The following PON1 variants were observed in gnomAD, a reference collection of about 807,000 sequenced individuals.
The protein encoded by PON1 is paraoxonase 1, also known as serum paraoxonase/arylesterase 1.
PON1 carries 37 observed loss-of-function variants against 39.2 expected under a neutral mutation model. The ratio of observed to expected loss-of-function variants is 0.94; its 90% CI spans 0.73 to 1.24. The LOEUF is 1.24. Among genes scored for constraint, PON1 ranks in the 50% most tolerant of loss-of-function variants. The pLI, the probability that PON1 is intolerant of heterozygous loss-of-function variation, is 0.00. For synonymous variants in PON1, 148 were observed against 152.2 expected (o/e 0.97, Z 0.21); for missense variants, 397 against 413.5 (o/e 0.96, Z 0.35).
At chr7:95,313,618 A>ATGTATGTG (rs374185817) in intron 4 of PON1, among the ~76,000 whole-genome samples, 2,002 of 147,284 alleles carry the variant, frequency 0.014, 48 homozygotes, top group African/African-American at 0.048. Flanking sequence ...ATATATGTAT[A>ATGTATGTG]TGTGTGTGTG....
chr7:95,308,601 A>G (rs1408164881), intron 5 of PON1, among the ~76,000 whole-genome samples: 1 of 152,102 alleles, frequency 6.6e-6, no homozygotes, highest in East Asian at 1.9e-4. Flanking sequence ...GTGCTCACAT[A>G]TCTGGGCTCA....
At chr7:95,320,516 A>G (rs1807873064) in intron 1 of PON1, among the ~76,000 whole-genome samples, 1 of 152,174 alleles carries the variant, frequency 6.6e-6, no homozygotes, top group Non-Finnish European at 1.5e-5. Flanking sequence ...ATCCTCAAAC[A>G]CCTCCGTGAG....
intron 7 of PON1, among the ~76,000 whole-genome samples, chr7:95,305,862 T>C (rs544301111): frequency 4.4e-4 from 65 of 148,456 alleles, no homozygotes; most frequent in Non-Finnish European, 3.8e-4. Context: ...ATAAACATTG[T>C]GGAGAGCAGC....
chr7:95,322,481 T>A (rs1278372396), intron 1 of PON1, among the ~76,000 whole-genome samples: 1 of 151,958 alleles, frequency 6.6e-6, no homozygotes, highest in Non-Finnish European at 1.5e-5. Flanking sequence ...CTAACCCAGG[T>A]CATCAGGAAT....
intron 2 of PON1, among the ~76,000 whole-genome samples, chr7:95,317,966 TA>T (rs1236647465): frequency 4.0e-5 from 6 of 151,876 alleles, no homozygotes; most frequent in Non-Finnish European, 7.4e-5. Context: ...AGAGCCTTTC[TA>T]AAAAAAAGTT....
At position 95,297,977 on chromosome 7, in the gene PON1, C is replaced by T. The variant is rs1807310814; in HGVS notation, c.*967G>A. 6.6e-6 allele frequency: 1 copy of T among 152,150 alleles called. No homozygotes were observed. The highest frequency in any genetic ancestry group is 1.5e-5 in the Non-Finnish European group (1 of 68,022). The allele number at this position is 152,150 out of a possible 1,614,324, so 9.4% of individuals were successfully genotyped here. ...TCATGTTTTCTTCCTAGTCATGTCT[C>T]AGTAGATAGCCAAAGGGGTTGTTGA... On this transcript the variant is annotated 3_prime_UTR_variant, in exon 9 of 9. Coordinates refer to ENST00000222381, the MANE Select transcript of PON1 (RefSeq NM_000446.7).
intron 2 of PON1, among the ~76,000 whole-genome samples, chr7:95,317,889 T>A (rs1807806018): frequency 6.6e-6 from 1 of 151,840 alleles, no homozygotes; most frequent in Admixed American, 6.6e-5. Context: ...CTGGAAAAAA[T>A]TTTCCTGTCC....
intron 5 of PON1, among the ~76,000 whole-genome samples, chr7:95,309,448 T>C (rs1035476930): frequency 3.9e-5 from 6 of 152,178 alleles, no homozygotes; most frequent in African/African-American, 1.4e-4. Context: ...ATTTGTCTGT[T>C]TTTCACAGAA....
At chr7:95,302,525 A>C in intron 7 of PON1, 192 bp from the exon 8 acceptor site, 1 of 578,688 alleles carries the variant, frequency 1.7e-6, no homozygotes, top group Non-Finnish European at 3.0e-6. Flanking sequence ...GTATTTTGTC[A>C]GTTTCCAGGG....
chr7:95,307,845 T>C (rs1807573072), intron 6 of PON1, among the ~76,000 whole-genome samples, 166 bp downstream of exon 6: 1 of 152,242 alleles, frequency 6.6e-6, no homozygotes, highest in Admixed American at 6.5e-5. Flanking sequence ...ATTTTTGATT[T>C]GATAAATTTC....
At chr7:95,306,488 C>A (rs1182768377) in intron 6 of PON1, 122 bp from the exon 7 acceptor site, 1 of 751,416 alleles carries the variant, frequency 1.3e-6, no homozygotes, top group East Asian at 2.5e-5. Flanking sequence ...ATGGAACCCA[C>A]CTCAAACACA....
At chr7:95,299,427 G>A (rs772521628) in intron 8 of PON1, among the ~76,000 whole-genome samples, 12 of 152,136 alleles carry the variant, frequency 7.9e-5, no homozygotes, top group Non-Finnish European at 1.3e-4. Context: ...CTGTTACTCA[G>A]TATGATAGTT....
In PON1 at chr7:95,316,750, A is replaced by C; in HGVS notation, c.185T>G (p.Leu62Arg). The change falls in exon 3 of 9, where the codon CTG becomes CGG. Residue 62 changes from leucine (L) to arginine (R), a missense_variant. Coordinates refer to ENST00000222381, the MANE Select transcript of PON1 (RefSeq NM_000446.7). ...SEDLEILPNG[L>R]AFISSGLKYP... ...AACACTCACAGAGCTAATGAAAGCC[A>C]GTCCATTAGGCAGTATCTCCAAGTC... 6.2e-7 allele frequency: 1 copy of C among 1,613,444 alleles called. No individual in the cohort carries two copies. The highest frequency in any genetic ancestry group is 8.5e-7 in the Non-Finnish European group (1 of 1,179,410).
At chr7:95,313,771 G>A (rs780144081) in intron 4 of PON1, among the ~76,000 whole-genome samples, 18 of 151,914 alleles carry the variant, frequency 1.2e-4, no homozygotes, top group Non-Finnish European at 2.1e-4. Flanking sequence ...AAGCACCTGC[G>A]GCATTAAAAG....
intron 1 of PON1, among the ~76,000 whole-genome samples, chr7:95,320,702 A>T (rs1807876572): frequency 6.6e-6 from 1 of 152,238 alleles, no homozygotes; most frequent in African/African-American, 2.4e-5. Context: ...GATGCACCTG[A>T]AAATTGACCC....
intron 6 of PON1, among the ~76,000 whole-genome samples, chr7:95,307,043 T>TTTTC (rs544300791): frequency 6.7e-6 from 1 of 150,114 alleles, no homozygotes; most frequent in Non-Finnish European, 1.5e-5. Flanking sequence ...TTGCTTTTTC[T>TTTTC]TTTCTTTCTT....
In PON1 at chr7:95,312,708, G is replaced by C. The variant is rs1043024378; in HGVS notation, c.371-1131C>G. Among the ~76,000 whole-genome samples the C allele has an allele frequency of 2.0e-5, 3 of 152,112 alleles. No individual in the cohort carries two copies. The East Asian group carries it at 5.8e-4, about 30-fold the overall frequency. On this transcript the variant is annotated intron_variant, in intron 4 of 8. Transcript: ENST00000222381. The stretch of plus-strand genomic sequence containing the variant: ...GGGAGAAAGTGTGCAAAGGCCCTGG[G>C]GCAGAACTTCCTGGACATATTCACT...
At chr7:95,299,386 T>TG (rs1554605629) in intron 8 of PON1, among the ~76,000 whole-genome samples, 3 of 151,976 alleles carry the variant, frequency 2.0e-5, no homozygotes, top group Non-Finnish European at 4.4e-5. Flanking sequence ...TAGGGAGCAG[T>TG]GGGGATTTCA....
chr7:95,301,054 T>A (rs1263819856), intron 8 of PON1, among the ~76,000 whole-genome samples: 1 of 151,954 alleles, frequency 6.6e-6, no homozygotes, highest in Non-Finnish European at 1.5e-5. Context: ...TGAAATGGAC[T>A]CTTAAAACTG....
Sources: allele counts gnomAD v4.1 joint callset (sites outside exome capture counted in the v4.1 genomes callset), GRCh38; gene constraint gnomAD v4.1.1; transcripts MANE v1.5; gene names NCBI Gene and HGNC (gene_info 2026-07-23, HGNC 2026-07-21).